The following RSRC1 variants were observed in gnomAD, a reference collection of about 807,000 sequenced individuals.
RSRC1 encodes arginine and serine rich coiled-coil 1, also known as serine/Arginine-related protein 53.
Under a neutral mutation model 49.1 loss-of-function variants are expected in RSRC1, and 39 were observed. That is an observed-to-expected ratio of 0.79 (90% confidence interval 0.61 to 1.04). RSRC1 has a LOEUF of 1.04. Ranked by LOEUF, RSRC1 falls within the 50% of genes least tolerant of loss-of-function variation. The pLI is 0.00. For synonymous variants in RSRC1, 143 were observed against 130.8 expected, an observed-to-expected ratio of 1.09 and a Z score of -0.63; for missense variants, 388 against 402.4, an observed-to-expected ratio of 0.96 and a Z score of 0.31.
chr3:158,476,460 A>G (rs1738372394), intron 7 of RSRC1, among the ~76,000 whole-genome samples: 1 of 152,178 alleles, frequency 6.6e-6, no homozygotes, highest in Admixed American at 6.6e-5. Context: ...GACTCTTGTC[A>G]GGGGCTAATG....
At chr3:158,445,057 G>C (rs1736618980) in intron 6 of RSRC1, among the ~76,000 whole-genome samples, 1 of 152,174 alleles carries the variant, frequency 6.6e-6, no homozygotes, top group Non-Finnish European at 1.5e-5. Flanking sequence ...CTGTTGGTGG[G>C]ACTGTAAACT....
intron 7 of RSRC1, among the ~76,000 whole-genome samples, chr3:158,511,412 G>A (rs1247314302): frequency 6.6e-6 from 1 of 152,098 alleles, no homozygotes; most frequent in African/African-American, 2.4e-5. Flanking sequence ...TGAGAATGAT[G>A]ATTTCCAATT....
intron 6 of RSRC1, among the ~76,000 whole-genome samples, chr3:158,404,127 A>T (rs1734034310): frequency 3.3e-5 from 5 of 151,882 alleles, no homozygotes; most frequent in Admixed American, 3.3e-4. Flanking sequence ...TTTTTCAGGG[A>T]AGTGCATCAA....
At chr3:158,303,156 A>T (rs111493484) in intron 5 of RSRC1, 1 of 152,224 alleles carries the variant, frequency 6.6e-6, no homozygotes, top group African/African-American at 2.4e-5. Flanking sequence ...ATGACAATAC[A>T]GCTATTATTA....
chr3:158,318,055 T>A (rs756476327), intron 5 of RSRC1, among the ~76,000 whole-genome samples: 1 of 151,946 alleles, frequency 6.6e-6, no homozygotes, highest in Non-Finnish European at 1.5e-5. Context: ...GTGTTTGTTT[T>A]TGGCGATTTT....
At chr3:158,388,877 G>A (rs759263260) in intron 6 of RSRC1, among the ~76,000 whole-genome samples, 3 of 152,038 alleles carry the variant, frequency 2.0e-5, no homozygotes, top group African/African-American at 4.8e-5. Context: ...CCAAAGTGTT[G>A]GGATTACAGG....
intron 6 of RSRC1, among the ~76,000 whole-genome samples, chr3:158,372,855 G>GT (rs1205696307): frequency 2.6e-5 from 4 of 151,602 alleles, no homozygotes; most frequent in African/African-American, 4.8e-5. Flanking sequence ...CATTTATTCT[G>GT]TTTTTTTATT....
chr3:158,289,718 G>A (rs1211331864), intron 4 of RSRC1, among the ~76,000 whole-genome samples: 1 of 152,162 alleles, frequency 6.6e-6, no homozygotes, highest in African/African-American at 2.4e-5. Context: ...CAGAAACTGA[G>A]AATTTCAGGA....
At chr3:158,273,848 C>CTA (rs772644689) in intron 4 of RSRC1, among the ~76,000 whole-genome samples, 58 of 152,252 alleles carry the variant, frequency 3.8e-4, no homozygotes, top group Non-Finnish European at 6.8e-4. Context: ...CTCCCTCTGT[C>CTA]TTTCTCTCAC....
At chr3:158,369,261 A>G (rs1355241215) in intron 6 of RSRC1, among the ~76,000 whole-genome samples, 1 of 152,056 alleles carries the variant, frequency 6.6e-6, no homozygotes, top group Non-Finnish European at 1.5e-5. Flanking sequence ...TTTTTTTATT[A>G]TAATTTTCTC....
intron 6 of RSRC1, among the ~76,000 whole-genome samples, chr3:158,438,202 A>G (rs573173210): frequency 1.3e-5 from 2 of 152,338 alleles, no homozygotes; most frequent in Admixed American, 1.3e-4. Context: ...TTTCATGCTC[A>G]TGGATAGAAA....
chr3:158,491,084 C>G (rs889243308), intron 7 of RSRC1, among the ~76,000 whole-genome samples: 6 of 152,094 alleles, frequency 3.9e-5, no homozygotes, highest in African/African-American at 1.4e-4. Flanking sequence ...TTTTGCTGCC[C>G]TATTTTGATA....
chr3:158,420,111 G>T (rs1321613569), intron 6 of RSRC1, among the ~76,000 whole-genome samples: 1 of 151,946 alleles, frequency 6.6e-6, no homozygotes, highest in Admixed American at 6.6e-5. Context: ...TGCTTCACCT[G>T]TGTGGTATCA....
chr3:158,251,962 T>A (rs1724232615), intron 4 of RSRC1, among the ~76,000 whole-genome samples: 2 of 152,342 alleles, frequency 1.3e-5, no homozygotes, highest in Admixed American at 6.5e-5. Context: ...CTGTCATATA[T>A]GGCTTTTATT....
intron 7 of RSRC1, among the ~76,000 whole-genome samples, chr3:158,532,170 G>A (rs1712436653): frequency 6.6e-6 from 1 of 151,692 alleles, no homozygotes; most frequent in Non-Finnish European, 1.5e-5. Flanking sequence ...CTCAGTAACT[G>A]TGGGGCCAAC....
intron 5 of RSRC1, among the ~76,000 whole-genome samples, chr3:158,310,867 G>A (rs1292388139): frequency 6.6e-6 from 1 of 151,706 alleles, no homozygotes; most frequent in Admixed American, 6.6e-5. Context: ...TGAAATTTCT[G>A]TAACATCACT....
intron 6 of RSRC1, among the ~76,000 whole-genome samples, chr3:158,388,861 G>A (rs1453666722): frequency 1.4e-4 from 21 of 151,940 alleles, no homozygotes; most frequent in African/African-American, 3.6e-4. Flanking sequence ...CGCCCGCCTC[G>A]GCCTCCCAAA....
intron 3 of RSRC1, among the ~76,000 whole-genome samples, chr3:158,145,984 C>T (rs1051417517): frequency 6.6e-6 from 1 of 152,098 alleles, no homozygotes; most frequent in African/African-American, 2.4e-5. Flanking sequence ...GATTTTGTAT[C>T]CTGAGACTTT....
intron 3 of RSRC1, among the ~76,000 whole-genome samples, chr3:158,155,289 G>A (rs1236745948): frequency 2.0e-5 from 3 of 152,232 alleles, no homozygotes; most frequent in Middle Eastern, 3.4e-3. Flanking sequence ...TTCTTAAATA[G>A]TAACACTTGA....
Sources: gnomAD v4.1 joint callset for allele counts (sites outside exome capture counted in the v4.1 genomes callset) on GRCh38, gnomAD v4.1.1 for gene constraint, MANE v1.5 for transcripts, NCBI Gene and HGNC (gene_info 2026-07-23, HGNC 2026-07-21) for gene names.